TTLL3: variants seen among roughly 807,000 people sequenced by gnomAD.
TTLL3 encodes tubulin tyrosine ligase like 3.
Under a neutral mutation model 75.2 loss-of-function variants are expected in TTLL3, and 63 were observed. The observed-to-expected ratio is 0.84, with a 90% CI of 0.68 to 1.03. TTLL3 has a LOEUF of 1.03. Ranked by LOEUF, TTLL3 falls within the 50% of genes least tolerant of loss-of-function variation. The pLI, the probability that TTLL3 is intolerant of heterozygous loss-of-function variation, is 0.00. For missense variants in TTLL3, 997 were observed against 1,069.9 expected (o/e 0.93, Z 0.95); for synonymous variants, 393 against 418.5 (o/e 0.94, Z 0.74).
At chr3:9,829,993 C>T (rs1157985408) in intron 11 of TTLL3, among the ~76,000 whole-genome samples, 1 of 152,176 alleles carries the variant, frequency 6.6e-6, no homozygotes, top group East Asian at 1.9e-4. Context: ...CAGGTGCCTA[C>T]CACCACGCCT....
At position 9,829,254 on chromosome 3, in the gene TTLL3, C is replaced by T. The variant is rs202147967; in HGVS notation, c.1542C>T (p.Asn514=). The change falls in exon 11 of 14, where the codon AAC becomes AAT. Residue 514 remains asparagine (N), a synonymous_variant. Transcript: ENST00000685419. The part of the protein sequence containing the change: ...EDFQPWLIEI[N]ASPTMAPSTA... ...TCCAGCCCTGGCTGATTGAGATCAA[C>T]GCCAGCCCCACGATGGCACCCTCCA... is the stretch of plus-strand genomic sequence containing the variant. 287 of 1,614,220 alleles carry T rather than the reference C, an allele frequency of 1.8e-4. No individual in the cohort carries two copies. The East Asian group carries it at 3.9e-3, about 22-fold the overall frequency.
chr3:9,815,420 G>C (rs950756552), intron 4 of TTLL3, among the ~76,000 whole-genome samples: 4 of 152,242 alleles, frequency 2.6e-5, no homozygotes, highest in Admixed American at 2.6e-4. Context: ...ATGAATTGAC[G>C]TGGAAAGTGC....
chr3:9,810,578 C>T lies in TTLL3; in HGVS notation c.-41-43C>T. 1 of 1,543,702 alleles carries T rather than the reference C, an allele frequency of 6.5e-7. No homozygotes were observed. Among genetic ancestry groups the T allele is most frequent in the Non-Finnish European group, 8.7e-7 (1 of 1,143,194 alleles). On this transcript the variant is annotated intron_variant, in intron 1 of 13. Coordinates refer to ENST00000685419, the MANE Select transcript of TTLL3 (RefSeq NM_001387446.1). The surrounding 1 kb of genome is among the most constrained non-coding windows in gnomAD (Gnocchi z 4.4). The stretch of plus-strand genomic sequence containing the variant: ...AAGATCCTAGGCCGAGACCCTAGGC[C>T]CAGCCTCAGTGTACCCCGCCCCTAT...
At position 9,835,890 on chromosome 3, in the gene TTLL3, G is replaced by A. The variant is rs1032015014; in HGVS notation, c.*401G>A. On this transcript the variant is annotated 3_prime_UTR_variant, in exon 14 of 14. Coordinates refer to ENST00000685419, the MANE Select transcript of TTLL3 (RefSeq NM_001387446.1). ...CAAGGGGCCAAGGTCACCTAAAAAT[G>A]AAACATCCAATAAGCCACACCCACC... The A allele has an allele frequency of 5.7e-6, 1 of 176,292 alleles. No homozygotes were observed. Among genetic ancestry groups the A allele is most frequent in the Non-Finnish European group, 1.2e-5 (1 of 84,738 alleles). The allele number at this position is 176,292 out of a possible 1,614,324, so 10.9% of individuals were successfully genotyped here. A position where few individuals can be genotyped will look rare whatever the true frequency, so the allele number is the denominator to read the frequency against.
chr3:9,819,053 C>T, intron 7 of TTLL3, 133 bp downstream of exon 7: 3 of 1,119,690 alleles, frequency 2.7e-6, no homozygotes, highest in Non-Finnish European at 3.8e-6. Context: ...GTATGATTCA[C>T]ATCTACCCAT....
At chr3:9,811,581 A>G (rs182261230) in intron 2 of TTLL3, among the ~76,000 whole-genome samples, 1 of 152,262 alleles carries the variant, frequency 6.6e-6, no homozygotes, top group Non-Finnish European at 1.5e-5. Flanking sequence ...GTCTACCTCC[A>G]TCCTGTCCCC....
intron 9 of TTLL3, 45 bp from the exon 10 acceptor site, chr3:9,826,952 C>T (rs772691266): frequency 9.9e-6 from 16 of 1,611,632 alleles, no homozygotes; most frequent in Non-Finnish European, 1.4e-5. Flanking sequence ...CTTCTCCTGG[C>T]CCACGCCTGA....
intron 11 of TTLL3, among the ~76,000 whole-genome samples, chr3:9,832,080 A>T (rs1442543946): frequency 9.1e-4 from 77 of 84,744 alleles, no homozygotes; most frequent in South Asian, 2.0e-3. Context: ...CAATAGCTGC[A>T]TTTTTTTTTT....
chr3:9,810,694 G>C lies in TTLL3; in HGVS notation c.33G>C (p.Val11=). Residue 11 remains valine, a synonymous_variant, in exon 2 of 14, where the codon GTG becomes GTC. Transcript: ENST00000685419. The surrounding 1 kb of genome is among the most constrained non-coding windows in gnomAD (Gnocchi z 4.4). ...GGCTCAGAAACGCCAAAATCTACGT[G>C]GAGAGAGCTGTCAAGGTCAGAGGAG... MNRLRNAKIY[V]ERAVKQKKIF... The C allele has an allele frequency of 6.3e-7, 1 of 1,587,062 alleles. No individual in the cohort carries two copies. Among genetic ancestry groups the C allele is most frequent in the South Asian group, 1.2e-5 (1 of 86,550 alleles).
In TTLL3 at chr3:9,835,479, C is replaced by A; in HGVS notation, c.2438C>A (p.Ala813Glu). 3 of 1,595,640 alleles carry A rather than the reference C, an allele frequency of 1.9e-6. No individual in the cohort carries two copies. Among genetic ancestry groups the A allele is most frequent in the South Asian group, 1.1e-5 (1 of 88,506 alleles). ...AGGCCGTGTACCCCAGGGTCCACAGCAAGAGCCTGAGGCCATCAGCAGCTC... is the reference window on the plus strand; with the variant it reads ...AGGCCGTGTACCCCAGGGTCCACAGAAAGAGCCTGAGGCCATCAGCAGCTC... ...GARPCTPGST[A>E]RA Residue 813 changes from alanine (A) to glutamate (E), a missense_variant, in exon 14 of 14, where the codon GCA becomes GAA. Ala to Glu is a moderately radical substitution (Grantham distance 107). Coordinates refer to ENST00000685419, the MANE Select transcript of TTLL3 (RefSeq NM_001387446.1).
upstream of TTLL3, chr3:9,810,159 GGC>G: frequency 1.4e-6 from 2 of 1,472,286 alleles, no homozygotes; most frequent in Non-Finnish European, 1.8e-6. This position sits in a 1 kb window ranked among gnomAD's most constrained non-coding sequence, Gnocchi z 4.4. Context: ...GTTTCCCCTC[GGC>G]GCGCCGCTCC....
At chr3:9,811,078 C>T (rs34790795) in intron 2 of TTLL3, among the ~76,000 whole-genome samples, 36,789 of 151,984 alleles carry the variant, frequency 0.24, 4,813 homozygotes, top group East Asian at 0.55. Flanking sequence ...TTCCTTTCTC[C>T]CTCTTTGGCT....
chr3:9,814,613 A>C (rs1407636337), intron 4 of TTLL3, among the ~76,000 whole-genome samples: 1 of 152,014 alleles, frequency 6.6e-6, no homozygotes, highest in Non-Finnish European at 1.5e-5. Context: ...GCGCCACTGC[A>C]CTCCAGCCTG....
At chr3:9,833,516 C>T (rs1280984164) in intron 12 of TTLL3, among the ~76,000 whole-genome samples, 1 of 152,170 alleles carries the variant, frequency 6.6e-6, no homozygotes, top group Non-Finnish European at 1.5e-5. Context: ...CCACTGAGTC[C>T]GAAGAACCCC....
chr3:9,817,777 C>T lies in TTLL3; in HGVS notation c.559+18C>T, dbSNP rs750211626. The T allele has an allele frequency of 3.1e-6, 5 of 1,613,886 alleles. No individual in the cohort carries two copies. The South Asian group carries it at 5.5e-5, about 18-fold the overall frequency. ...CTTCATAGGTAAGGAGACCCCCAGC[C>T]CTATGCCTGAACCTCAGGCTGACAG... On this transcript the variant is annotated intron_variant, in intron 6 of 13. Transcript: ENST00000685419.
chr3:9,833,253 C>G lies in TTLL3; in HGVS notation c.1825+8C>G, dbSNP rs1376312114. On this transcript the variant is annotated splice_region_variant and intron_variant, in intron 12 of 13. Coordinates refer to ENST00000685419, the MANE Select transcript of TTLL3 (RefSeq NM_001387446.1). ...AGCGAGGCTCTGGGGAAGGCAAGGA[C>G]TCGGGGACCCCTACCCACAGGTCAG... 2 of 1,613,560 alleles carry G rather than the reference C, an allele frequency of 1.2e-6. No individual in the cohort carries two copies. The highest frequency in any genetic ancestry group is 1.7e-6 in the Non-Finnish European group (2 of 1,179,858).
At chr3:9,821,659 ACTTTCT>A (rs998109530) in intron 8 of TTLL3, among the ~76,000 whole-genome samples, 1 of 152,244 alleles carries the variant, frequency 6.6e-6, no homozygotes, top group Non-Finnish European at 1.5e-5. Context: ...GTGGCCCGGT[ACTTTCT>A]CTTTAGCTAC....
intron 2 of TTLL3, among the ~76,000 whole-genome samples, chr3:9,811,639 CA>C (rs2079361693): frequency 1.3e-5 from 2 of 152,250 alleles, no homozygotes; most frequent in Non-Finnish European, 1.5e-5. Flanking sequence ...AAGATTCCCT[CA>C]GTTAGCCTTT....
chr3:9,825,645 C>T (rs888760647), intron 8 of TTLL3, 155 bp from the exon 9 acceptor site: 4 of 1,382,874 alleles, frequency 2.9e-6, no homozygotes, highest in Non-Finnish European at 4.0e-6. Flanking sequence ...GAAGGTGGGG[C>T]CGGAGGCTTG....
Sources: gnomAD v4.1 joint callset for allele counts (sites outside exome capture counted in the v4.1 genomes callset) on GRCh38, gnomAD v4.1.1 for gene constraint, Gnocchi (gnomAD v3.1) non-coding constraint, MANE v1.5 for transcripts, NCBI Gene and HGNC (gene_info 2026-07-23, HGNC 2026-07-21) for gene names.